The following SNED1 variants were observed in gnomAD, a reference collection of about 807,000 sequenced individuals.
SNED1 encodes the protein sushi, nidogen and EGF like domains 1.
In SNED1, 81 loss-of-function variants were observed where a neutral mutation model predicts 166.7. That is an observed-to-expected ratio of 0.49 (90% CI 0.41 to 0.58). The LOEUF (loss-of-function observed/expected upper bound fraction) is 0.58, where lower values mean the gene tolerates loss of function less well. Among genes scored for constraint, SNED1 ranks in the 20% least tolerant of loss-of-function variants. The probability of loss-of-function intolerance (pLI) is 0.00; values close to 1 mark genes in which losing one functional copy is unlikely to be tolerated. For synonymous variants in SNED1, 762 were observed against 822.0 expected, an observed-to-expected ratio of 0.93 and a Z score of 1.25; for missense variants, 1,604 against 2,000.2, an observed-to-expected ratio of 0.80 and a Z score of 3.78.
In SNED1 at chr2:241,052,354, G is replaced by GC; in HGVS notation, c.1974dup (p.Ser659LeufsTer67). ...GCCAGGACCTTCCTGCATTCTGGCA[G>GC]CCCCCTCCCCCTGCTTCCGGAGCCC... On this transcript the variant is annotated frameshift_variant and splice_region_variant. Coordinates refer to ENST00000310397, the MANE Select transcript of SNED1 (RefSeq NM_001080437.3). LOFTEE classifies it high-confidence loss of function. 1 of 1,570,636 alleles carries GC rather than the reference G, an allele frequency of 6.4e-7. No individual in the cohort carries two copies.
At chr2:241,014,835 T>G (rs1163010640) in intron 1 of SNED1, among the ~76,000 whole-genome samples, 1 of 152,184 alleles carries the variant, frequency 6.6e-6, no homozygotes, top group Non-Finnish European at 1.5e-5. Context: ...GGAGGTGATC[T>G]TCTCTTGGGG....
Position 241,049,148 on chromosome 2 carries a change from G to T in SNED1, c.1618+13G>T. The T allele has an allele frequency of 1.2e-6, 2 of 1,600,980 alleles. No homozygotes were observed. The highest frequency in any genetic ancestry group is 2.3e-5 in the East Asian group (1 of 44,406). On this transcript the variant is annotated intron_variant, in intron 11 of 31. Coordinates refer to ENST00000310397, the MANE Select transcript of SNED1 (RefSeq NM_001080437.3). ...AATGCCAGCCACTGTGAGTAGCTCG[G>T]GGACGAGCCTGCTGGGCCGGGGGCC...
At position 241,034,636 on chromosome 2, in the gene SNED1, CGAGGTG is replaced by C; in HGVS notation, c.715_720del (p.Val239_Glu240del). 1 of 1,611,822 alleles carries C rather than the reference CGAGGTG, an allele frequency of 6.2e-7. No individual in the cohort carries two copies. Among genetic ancestry groups the C allele is most frequent in the Non-Finnish European group, 8.5e-7 (1 of 1,179,466 alleles). ...CCGGCTCGCGCACAGCAGACATGGCCGAGGTGGAGACCACCACCAACGTGGGTGTGC... is the reference window on the plus strand; with the variant it reads ...CCGGCTCGCGCACAGCAGACATGGCCGAGACCACCACCAACGTGGGTGTGC... On this transcript the variant is annotated inframe_deletion, in exon 4 of 32. Coordinates refer to ENST00000310397, the MANE Select transcript of SNED1 (RefSeq NM_001080437.3).
intron 21 of SNED1, among the ~76,000 whole-genome samples, chr2:241,065,975 G>A (rs1033237660): frequency 3.9e-5 from 6 of 152,152 alleles, no homozygotes; most frequent in African/African-American, 1.4e-4. Flanking sequence ...GGACTCTGGG[G>A]TGCTCTGAAG....
rs1188787633 is a variant in SNED1, at chr2:241,082,330, T to C, written c.4087T>C (p.Phe1363Leu). The C allele has an allele frequency of 6.2e-7, 1 of 1,613,642 alleles. No individual in the cohort carries two copies. The highest frequency in any genetic ancestry group is 1.7e-5 in the Admixed American group (1 of 60,022). Reference protein sequence around the residue: ...CTRLFSETKAFPVWEGGVCHH... With the variant: ...CTRLFSETKALPVWEGGVCHH... ...AAGGCTGTTCTCCGAGACAAAGGCC[T>C]TTCCAGTCTGGGAGGGAGGCGTCTG... is the stretch of plus-strand genomic sequence containing the variant. Residue 1363 changes from phenylalanine to leucine, a missense_variant, in exon 29 of 32, where the codon TTT (phenylalanine) becomes CTT (leucine). This residue lies in a region of SNED1 where 367 missense variants were observed against 379.4 expected (regional missense o/e 0.97). Transcript: ENST00000310397.
chr2:241,055,523 C>T (rs1439451340), intron 16 of SNED1, among the ~76,000 whole-genome samples: 1 of 152,132 alleles, frequency 6.6e-6, no homozygotes, highest in Non-Finnish European at 1.5e-5. Context: ...AATACCACCA[C>T]TGTCACTGTA....
At position 241,067,954 on chromosome 2, in the gene SNED1, AG is replaced by A; in HGVS notation, c.3194+10del. On this transcript the variant is annotated splice_region_variant and intron_variant, in intron 22 of 31. Coordinates refer to ENST00000310397, the MANE Select transcript of SNED1 (RefSeq NM_001080437.3). Reference sequence around the variant, plus strand: ...TGGACAGGTTCACCTTTAGGTAAGAAGGGACACCCAGAGCATGGGGCTGGGG... The same window carrying A: ...TGGACAGGTTCACCTTTAGGTAAGAAGGACACCCAGAGCATGGGGCTGGGG... The A allele has an allele frequency of 6.4e-7, 1 of 1,574,582 alleles. No homozygotes were observed. Among genetic ancestry groups the A allele is most frequent in the Non-Finnish European group, 8.7e-7 (1 of 1,152,966 alleles).
rs372741809 is a variant in SNED1, at chr2:241,053,217, G to A, written c.2148G>A (p.Leu716=). 1.5e-4 allele frequency: 235 copies of A among 1,609,308 alleles called. No homozygotes were observed. The highest frequency in any genetic ancestry group is 1.9e-4 in the Non-Finnish European group (222 of 1,179,412). The change falls in exon 16 of 32, where the codon CTG becomes CTA. Residue 716 remains leucine, a synonymous_variant. Coordinates refer to ENST00000310397, the MANE Select transcript of SNED1 (RefSeq NM_001080437.3). ...CACTGCGCTTCAACGGCACGCGGCT[G>A]GGCGCGGTGGCCCTGTATGCATGTG... ...HATLRFNGTR[L]GAVALYACDR...
At chr2:241,026,852 C>A (rs1008601235) in intron 1 of SNED1, among the ~76,000 whole-genome samples, 2 of 152,190 alleles carry the variant, frequency 1.3e-5, no homozygotes, top group African/African-American at 4.8e-5. Context: ...CCACAGAATT[C>A]TTTTCATCTT....
intron 27 of SNED1, among the ~76,000 whole-genome samples, chr2:241,080,684 A>G (rs1028956919): frequency 3.3e-5 from 5 of 152,386 alleles, no homozygotes; most frequent in South Asian, 4.1e-4. Context: ...ACTGACAGCA[A>G]TGGACGGAAG....
At chr2:241,065,017 G>T in intron 20 of SNED1, 60 bp downstream of exon 20, 1 of 1,301,696 alleles carries the variant, frequency 7.7e-7, no homozygotes, top group Non-Finnish European at 1.0e-6. Context: ...TCCCTAGAGG[G>T]CCCAACGGTC....
chr2:241,040,267 T>C (rs1009992946), intron 7 of SNED1, 33 bp from the exon 8 acceptor site: 39 of 1,577,166 alleles, frequency 2.5e-5, no homozygotes, highest in Non-Finnish European at 3.4e-5. Context: ...GTGGCCTGGC[T>C]CAAGCCAAGC....
intron 11 of SNED1, among the ~76,000 whole-genome samples, chr2:241,049,383 T>A (rs566862295): frequency 1.6e-4 from 25 of 152,326 alleles, no homozygotes; most frequent in African/African-American, 5.8e-4. Context: ...TGTGGTATCT[T>A]ACCTAAGCCC....
rs866585071 is a variant in SNED1 at position 241,043,489 on chromosome 2, C to T, written c.1273+3076C>T. On this transcript the variant is annotated intron_variant, in intron 8 of 31. Coordinates refer to ENST00000310397, the MANE Select transcript of SNED1 (RefSeq NM_001080437.3). ...TGAAGAGCATTCATCACCAGCATACCTGCATTACAAAAAAATGTTAAAGGA... is the reference window on the plus strand; with the variant it reads ...TGAAGAGCATTCATCACCAGCATACTTGCATTACAAAAAAATGTTAAAGGA... Among the ~76,000 whole-genome samples the T allele has an allele frequency of 1.4e-4, 22 of 151,852 alleles. No individual in the cohort carries two copies. The Middle Eastern group carries it at 0.024, about 164-fold the overall frequency.
intron 1 of SNED1, among the ~76,000 whole-genome samples, chr2:241,025,219 A>T (rs2060920511): frequency 6.6e-6 from 1 of 152,136 alleles, no homozygotes; most frequent in Non-Finnish European, 1.5e-5. Context: ...CATGCGAGGG[A>T]TCTAGGTTGT....
chr2:241,062,979 G>A (rs1305179363), intron 17 of SNED1, 75 bp downstream of exon 17: 14 of 950,734 alleles, frequency 1.5e-5, no homozygotes, highest in Admixed American at 5.4e-5. Flanking sequence ...TGGGTCCCCC[G>A]GACAGGTCTC....
intron 1 of SNED1, among the ~76,000 whole-genome samples, chr2:241,014,511 A>G (rs763151421): frequency 4.6e-5 from 7 of 152,106 alleles, no homozygotes; most frequent in Non-Finnish European, 1.0e-4. Flanking sequence ...TTTCTTTTCT[A>G]TGAATGAGGC....
intron 1 of SNED1, among the ~76,000 whole-genome samples, chr2:241,007,156 T>C (rs1398761514): frequency 3.3e-5 from 5 of 152,222 alleles, no homozygotes; most frequent in African/African-American, 1.2e-4. Flanking sequence ...TATGCTTACA[T>C]GAGAGAATAT....
At chr2:241,003,545 G>A (rs1214623023) in intron 1 of SNED1, among the ~76,000 whole-genome samples, 1 of 152,338 alleles carries the variant, frequency 6.6e-6, no homozygotes, top group East Asian at 1.9e-4. Context: ...GCCTTAGCCT[G>A]GGAGTCAGCT....
Sources: gnomAD v4.1 joint callset for allele counts (sites outside exome capture counted in the v4.1 genomes callset) on GRCh38, gnomAD v4.1.1 for gene constraint, gnomAD v4.1.1 regional missense constraint, MANE v1.5 for transcripts, NCBI Gene and HGNC (gene_info 2026-07-23, HGNC 2026-07-21) for gene names.